The following CCDC91 variants were observed in gnomAD, a reference collection of about 807,000 sequenced individuals.
CCDC91 encodes the protein coiled-coil domain-containing protein 91.
In CCDC91, 48 loss-of-function variants were observed where a neutral mutation model predicts 63.2. The observed-to-expected ratio is 0.76, with a 90% confidence interval of 0.60 to 0.97. The LOEUF is 0.97. Ranked by LOEUF, CCDC91 falls within the 50% of genes least tolerant of loss-of-function variation. The pLI, the probability that CCDC91 is intolerant of heterozygous loss-of-function variation, is 0.00. For missense variants in CCDC91, 500 were observed against 494.6 expected, an observed-to-expected ratio of 1.01 and a Z score of -0.10; for synonymous variants, 167 against 165.8, an observed-to-expected ratio of 1.01 and a Z score of -0.06.
chr12:28,363,684 T>C (rs1279676068), intron 7 of CCDC91, among the ~76,000 whole-genome samples: 1 of 151,844 alleles, frequency 6.6e-6, no homozygotes, highest in African/African-American at 2.4e-5. Flanking sequence ...GAGACCATCC[T>C]GGCTAACACG....
At chr12:28,477,937 C>G (rs1428838733) in intron 11 of CCDC91, among the ~76,000 whole-genome samples, 2 of 152,140 alleles carry the variant, frequency 1.3e-5, no homozygotes, top group Non-Finnish European at 2.9e-5. Context: ...AGGAGAACTA[C>G]AAACCACTGC....
intron 8 of CCDC91, among the ~76,000 whole-genome samples, chr12:28,401,356 G>A (rs1946611241): frequency 6.6e-6 from 1 of 152,122 alleles, no homozygotes; most frequent in South Asian, 2.1e-4. Context: ...CAGTTCTAAT[G>A]AGAACTCCCT....
At chr12:28,301,413 TTC>T (rs1938060994) in intron 3 of CCDC91, among the ~76,000 whole-genome samples, 1 of 151,576 alleles carries the variant, frequency 6.6e-6, no homozygotes, top group Non-Finnish European at 1.5e-5. Flanking sequence ...CTGGAGTAAG[TTC>T]TATTGGTTCA....
intron 1 of CCDC91, among the ~76,000 whole-genome samples, chr12:28,216,777 G>T (rs3847681): frequency 6.6e-6 from 1 of 152,042 alleles, no homozygotes; most frequent in South Asian, 2.1e-4. Flanking sequence ...AGAGAAAATC[G>T]TTGTGAGGGA....
chr12:28,439,399 G>A (rs1008582376), intron 8 of CCDC91, among the ~76,000 whole-genome samples: 2 of 152,104 alleles, frequency 1.3e-5, no homozygotes, highest in African/African-American at 4.8e-5. Context: ...GTCATGTTAA[G>A]TGGAGGCGTA....
At chr12:28,523,967 C>G (rs529827744) in intron 12 of CCDC91, among the ~76,000 whole-genome samples, 2 of 152,054 alleles carry the variant, frequency 1.3e-5, no homozygotes, top group Admixed American at 6.6e-5. Flanking sequence ...CAAAGATACT[C>G]CTCAAGAAGA....
intron 6 of CCDC91, among the ~76,000 whole-genome samples, chr12:28,333,415 A>AG (rs1280377221): frequency 6.6e-6 from 1 of 151,226 alleles, no homozygotes; most frequent in Non-Finnish European, 1.5e-5. Context: ...AAAAAAAAAA[A>AG]TTAAATAAAC....
chr12:28,299,433 C>T (rs1167986446), intron 3 of CCDC91, among the ~76,000 whole-genome samples: 1 of 151,536 alleles, frequency 6.6e-6, no homozygotes, highest in Admixed American at 6.6e-5. Context: ...CTTACCCCTC[C>T]CTCTCTCATA....
intron 11 of CCDC91, among the ~76,000 whole-genome samples, chr12:28,470,212 A>G (rs1950745834): frequency 1.3e-5 from 2 of 152,180 alleles, no homozygotes; most frequent in South Asian, 4.1e-4. Context: ...ACCAGAATAT[A>G]TAAGGAGTTC....
rs1951798281 is a variant in CCDC91 at position 28,487,682 on chromosome 12, A to AT, written c.1215+3521dup. ...TTTTAAACTAAAGAGTCAACTTGAG[A>AT]TTTTCAACATTAGACAACTTAAAAG... is the stretch of plus-strand genomic sequence containing the variant. On this transcript the variant is annotated intron_variant, in intron 12 of 12. Coordinates refer to ENST00000536442, the MANE Select transcript of CCDC91 (RefSeq NM_018318.5). Among the ~76,000 whole-genome samples, 5 of 151,314 alleles carry AT rather than the reference A, an allele frequency of 3.3e-5. No homozygotes were observed. The South Asian group carries it at 1.0e-3, about 31-fold the overall frequency.
intron 1 of CCDC91, among the ~76,000 whole-genome samples, chr12:28,230,616 T>A (rs915874795): frequency 4.6e-5 from 7 of 152,146 alleles, no homozygotes; most frequent in African/African-American, 7.2e-5. Context: ...TGATTTTTTT[T>A]AAAGAAATTA....
intron 11 of CCDC91, among the ~76,000 whole-genome samples, chr12:28,482,542 A>G (rs763958873): frequency 6.6e-6 from 1 of 151,970 alleles, no homozygotes; most frequent in Non-Finnish European, 1.5e-5. Context: ...TGTATTGCCA[A>G]TATTTTTCTA....
At chr12:28,267,866 TATATA>T (rs1456235881) in intron 3 of CCDC91, among the ~76,000 whole-genome samples, 1 of 52,730 alleles carries the variant, frequency 1.9e-5, no homozygotes, top group Non-Finnish European at 3.3e-5. Flanking sequence ...TATATAATTA[TATATA>T]ATTATATATA....
intron 11 of CCDC91, among the ~76,000 whole-genome samples, chr12:28,465,602 C>A (rs1264719262): frequency 6.6e-6 from 1 of 152,162 alleles, no homozygotes; most frequent in East Asian, 1.9e-4. Flanking sequence ...TCTACAAGAA[C>A]CACAGCATTC....
chr12:28,405,687 A>G (rs1258792978), intron 8 of CCDC91, among the ~76,000 whole-genome samples: 1 of 152,038 alleles, frequency 6.6e-6, no homozygotes, highest in Non-Finnish European at 1.5e-5. Flanking sequence ...CAGGGCTTCT[A>G]TTTTTCAACA....
chr12:28,530,412 G>A (rs934414260), intron 12 of CCDC91, among the ~76,000 whole-genome samples: 3 of 152,224 alleles, frequency 2.0e-5, no homozygotes, highest in African/African-American at 7.2e-5. Flanking sequence ...CTAGCTCCTA[G>A]CCTTTTAGTC....
At chr12:28,415,305 C>A (rs1947576780) in intron 8 of CCDC91, among the ~76,000 whole-genome samples, 1 of 151,936 alleles carries the variant, frequency 6.6e-6, no homozygotes, top group African/African-American at 2.4e-5. Context: ...CTCACTGCAA[C>A]CTCCACCTCC....
At chr12:28,548,906 G>A (rs1449465432) in intron 12 of CCDC91, among the ~76,000 whole-genome samples, 157 bp from the exon 13 acceptor site, 1 of 152,124 alleles carries the variant, frequency 6.6e-6, no homozygotes, top group African/African-American at 2.4e-5. Context: ...GCCAGAAAGA[G>A]TGACTTTACT....
chr12:28,478,476 G>T lies in CCDC91; in HGVS notation c.1102-5576G>T, dbSNP rs143798665. Among the ~76,000 whole-genome samples the T allele has an allele frequency of 5.5e-4, 83 of 152,216 alleles. 1 individual carries two copies. The highest frequency in any genetic ancestry group is 3.5e-3 in the South Asian group (17 of 4,818). On this transcript the variant is annotated intron_variant, in intron 11 of 12. Transcript: ENST00000536442. Reference sequence around the variant, plus strand: ...AAAAATTAATTCAAGGTGGATTAAAGACTTAAATGTTAGACCTAAAACCAT... The same window carrying T: ...AAAAATTAATTCAAGGTGGATTAAATACTTAAATGTTAGACCTAAAACCAT...
Sources: gnomAD v4.1 joint callset for allele counts (sites outside exome capture counted in the v4.1 genomes callset) on GRCh38, gnomAD v4.1.1 for gene constraint, MANE v1.5 for transcripts, NCBI Gene and HGNC (gene_info 2026-07-23, HGNC 2026-07-21) for gene names.